The following FBXL20 variants were observed in gnomAD, a reference collection of about 807,000 sequenced individuals.
FBXL20 encodes the protein F-box and leucine rich repeat protein 20.
A neutral mutation model predicts 64.0 loss-of-function variants in FBXL20; 11 were observed. That is an observed-to-expected ratio of 0.17 (90% confidence interval 0.11 to 0.28). FBXL20 has a LOEUF of 0.28. Among genes scored for constraint, FBXL20 ranks in the 10% least tolerant of loss-of-function variants. The pLI, the probability that FBXL20 is intolerant of heterozygous loss-of-function variation, is 1.00. For synonymous variants in FBXL20, 184 were observed against 189.0 expected (o/e 0.97, Z 0.22); for missense variants, 303 against 526.2 (o/e 0.58, Z 4.15).
At chr17:39,365,202 A>G (rs1180847069) in intron 1 of FBXL20, among the ~76,000 whole-genome samples, 2 of 152,240 alleles carry the variant, frequency 1.3e-5, no homozygotes, top group South Asian at 2.1e-4. Context: ...TATTTTTCCT[A>G]TAAGTAATTT....
intron 1 of FBXL20, among the ~76,000 whole-genome samples, chr17:39,352,682 G>GAAAAAAAAAAAAAAAAAAAAAGAAA (rs11373643): frequency 8.1e-6 from 1 of 122,738 alleles, no homozygotes; most frequent in Non-Finnish European, 1.7e-5. Flanking sequence ...CTCTGTCTGG[G>GAAAAAAAAAAAAAAAAAAAAAGAAA]AAAAAAAAAA....
At position 39,303,630 on chromosome 17, in the gene FBXL20, A is replaced by G. The variant is rs150339903; in HGVS notation, c.114T>C (p.Ser38=). The G allele has an allele frequency of 7.4e-4, 1,186 of 1,609,702 alleles. 2 individuals carry two copies. The highest frequency in any genetic ancestry group is 8.2e-4 in the Non-Finnish European group (969 of 1,178,100). The change falls in exon 3 of 15, where the codon TCT becomes TCC. Residue 38 remains serine, a synonymous_variant. Coordinates refer to ENST00000264658, the MANE Select transcript of FBXL20 (RefSeq NM_032875.3). ...GGCACAGGGTAACAACATCTAGAAA[A>G]GAAAATATCCTAAAAAGAAAAGAGA... ...LPKELLLRIF[S]FLDVVTLCRC...
At chr17:39,377,563 C>T (rs1323570799) in intron 1 of FBXL20, among the ~76,000 whole-genome samples, 1 of 151,098 alleles carries the variant, frequency 6.6e-6, no homozygotes, top group East Asian at 2.0e-4. Context: ...TGCAGTGGCG[C>T]GATCTAGGCT....
At chr17:39,298,483 C>T (rs1019983541) in intron 5 of FBXL20, among the ~76,000 whole-genome samples, 7 of 152,098 alleles carry the variant, frequency 4.6e-5, no homozygotes, top group Non-Finnish European at 1.0e-4. Flanking sequence ...CTTTGGGAGG[C>T]TGAGGCAAGA....
At chr17:39,358,182 A>C (rs192335888) in intron 1 of FBXL20, among the ~76,000 whole-genome samples, 6 of 152,176 alleles carry the variant, frequency 3.9e-5, no homozygotes, top group Non-Finnish European at 8.8e-5. Flanking sequence ...GTCTCAGCTC[A>C]AGGAGAGGCA....
At chr17:39,338,074 T>C (rs2047546187) in intron 2 of FBXL20, among the ~76,000 whole-genome samples, 1 of 152,030 alleles carries the variant, frequency 6.6e-6, no homozygotes, top group Non-Finnish European at 1.5e-5. Flanking sequence ...ATGATGACAA[T>C]GGCGCTTTTG....
At chr17:39,368,700 G>A (rs1036474242) in intron 1 of FBXL20, among the ~76,000 whole-genome samples, 1 of 152,088 alleles carries the variant, frequency 6.6e-6, no homozygotes, top group South Asian at 2.1e-4. Context: ...CTGTTGCCCA[G>A]GCTAGAGTGC....
At chr17:39,270,919 T>C (rs2046838113) in intron 10 of FBXL20, 63 bp from the exon 11 acceptor site, 1 of 1,315,512 alleles carries the variant, frequency 7.6e-7, no homozygotes, top group African/African-American at 1.5e-5. Context: ...CTGAGTTTAT[T>C]AAAACAGTAA....
At chr17:39,393,349 C>T (rs1446968503) in intron 1 of FBXL20, among the ~76,000 whole-genome samples, 2 of 151,912 alleles carry the variant, frequency 1.3e-5, no homozygotes, top group African/African-American at 4.8e-5. Context: ...AGAACGCTTC[C>T]CCAGTTTTCA....
intron 1 of FBXL20, among the ~76,000 whole-genome samples, chr17:39,345,904 A>T (rs1265680907): frequency 6.6e-6 from 1 of 152,280 alleles, no homozygotes. Flanking sequence ...GAGGGCAGGG[A>T]GCATGCCTGT....
chr17:39,333,730 G>C (rs1053987739), intron 2 of FBXL20, among the ~76,000 whole-genome samples: 1 of 151,896 alleles, frequency 6.6e-6, no homozygotes, highest in African/African-American at 2.4e-5. Flanking sequence ...CCATCATCTG[G>C]GATGTGGGGA....
At chr17:39,374,113 T>C (rs1048198926) in intron 1 of FBXL20, among the ~76,000 whole-genome samples, 3 of 151,372 alleles carry the variant, frequency 2.0e-5, no homozygotes, top group Non-Finnish European at 4.4e-5. Flanking sequence ...TAGTCCCAGC[T>C]ACTCAGGAGG....
chr17:39,276,611 G>T (rs2046898117), intron 9 of FBXL20, among the ~76,000 whole-genome samples: 1 of 152,040 alleles, frequency 6.6e-6, no homozygotes, highest in Non-Finnish European at 1.5e-5. Flanking sequence ...GGAGGTTGCA[G>T]TGAGCCAAGA....
chr17:39,297,086 A>G, intron 6 of FBXL20, 41 bp downstream of exon 6: 1 of 1,427,642 alleles, frequency 7.0e-7, no homozygotes, highest in South Asian at 1.3e-5. Flanking sequence ...AGCCAGACAT[A>G]AGGGGTTATG....
chr17:39,340,206 C>T (rs559066834), intron 2 of FBXL20, among the ~76,000 whole-genome samples: 1 of 152,342 alleles, frequency 6.6e-6, no homozygotes, highest in South Asian at 2.1e-4. Flanking sequence ...AAGCGATTCT[C>T]CTGCCTCAGC....
At chr17:39,391,847 G>GAA (rs748502324) in intron 1 of FBXL20, among the ~76,000 whole-genome samples, 1 of 136,716 alleles carries the variant, frequency 7.3e-6, no homozygotes, top group African/African-American at 2.7e-5. Flanking sequence ...CTCTAAAAAG[G>GAA]AAAAAAAAAA....
intron 1 of FBXL20, among the ~76,000 whole-genome samples, chr17:39,389,033 G>A (rs1001673807): frequency 6.7e-6 from 1 of 148,714 alleles, no homozygotes; most frequent in Non-Finnish European, 1.5e-5. Context: ...GAACCCGGGA[G>A]GCGGAGGTTG....
At chr17:39,316,430 A>C (rs2047293031) in intron 2 of FBXL20, among the ~76,000 whole-genome samples, 1 of 152,094 alleles carries the variant, frequency 6.6e-6, no homozygotes, top group African/African-American at 2.4e-5. Flanking sequence ...TTCTAGTAGA[A>C]GGAATCAGGG....
intron 2 of FBXL20, among the ~76,000 whole-genome samples, chr17:39,309,689 T>A (rs1363237943): frequency 1.3e-5 from 2 of 149,980 alleles, no homozygotes; most frequent in African/African-American, 4.9e-5. Flanking sequence ...TAATCCCAGC[T>A]ACTTGCACAG....
Sources: gnomAD v4.1 joint callset for allele counts (sites outside exome capture counted in the v4.1 genomes callset) on GRCh38, gnomAD v4.1.1 for gene constraint, MANE v1.5 for transcripts, NCBI Gene and HGNC (gene_info 2026-07-23, HGNC 2026-07-21) for gene names.